PHF14: variants seen among roughly 807,000 people sequenced by gnomAD.
The protein encoded by PHF14 is PHD finger protein 14.
In PHF14, 55 loss-of-function variants were observed where a neutral mutation model predicts 117.9. That is an observed-to-expected ratio of 0.47 (90% CI 0.38 to 0.58). The LOEUF (loss-of-function observed/expected upper bound fraction) is 0.58, where lower values mean the gene tolerates loss of function less well. PHF14 is among the 20% of genes least tolerant of loss of function. PHF14 has a pLI of 0.00. For missense variants in PHF14, 978 were observed against 1,122.2 expected (o/e 0.87, Z 1.84); for synonymous variants, 409 against 368.6 (o/e 1.11, Z -1.26).
chr7:11,098,128 A>C (rs1313339358), intron 16 of PHF14, among the ~76,000 whole-genome samples: 3 of 152,156 alleles, frequency 2.0e-5, no homozygotes, highest in Non-Finnish European at 4.4e-5. Flanking sequence ...GTAATTTTAA[A>C]TCACCTATAA....
chr7:11,089,806 T>A (rs1786573400), intron 16 of PHF14, among the ~76,000 whole-genome samples: 1 of 149,088 alleles, frequency 6.7e-6, no homozygotes, highest in South Asian at 2.1e-4. Context: ...GTTTCACTCT[T>A]GTTGCCCAGG....
In PHF14 at chr7:10,985,636, C is replaced by CCGGTTTTTTT. The variant is rs750860479; in HGVS notation, c.900+2477_900+2478insCGGTTTTTTT. Among the ~76,000 whole-genome samples, 12 of 90,864 alleles carry CCGGTTTTTTT rather than the reference C, an allele frequency of 1.3e-4. No homozygotes were observed. In the East Asian group the frequency reaches 1.6e-3, roughly 12 times the overall value. The allele number at this position is 90,864 out of a possible 152,430, so 59.6% of individuals were successfully genotyped here. A position where few individuals can be genotyped will look rare whatever the true frequency, so the allele number is the denominator to read the frequency against. On this transcript the variant is annotated intron_variant, in intron 3 of 17. Coordinates refer to ENST00000634607, the MANE Select transcript of PHF14 (RefSeq NM_001007157.2). ...ATACTCTCTAGCAGTGATTCTCAAA[C>CCGGTTTTTTT]TGTTTTTTTTTTTTTTTTTTTTTTT...
chr7:11,014,653 C>T (rs188200404), intron 5 of PHF14, among the ~76,000 whole-genome samples: 8 of 152,208 alleles, frequency 5.3e-5, no homozygotes, highest in Admixed American at 6.5e-5. Flanking sequence ...CTCCGTTCTA[C>T]GAGACCTCCT....
chr7:11,092,565 G>C (rs1583458531), intron 16 of PHF14, among the ~76,000 whole-genome samples: 1 of 152,038 alleles, frequency 6.6e-6, no homozygotes, highest in African/African-American at 2.4e-5. Flanking sequence ...ATTCCAATCA[G>C]TAGGTGAACA....
chr7:11,100,573 A>G (rs1278260913), intron 16 of PHF14, among the ~76,000 whole-genome samples: 3 of 152,026 alleles, frequency 2.0e-5, no homozygotes, highest in Non-Finnish European at 4.4e-5. Context: ...ACCATAGTGT[A>G]TGATAAAATC....
chr7:11,101,550 G>T (rs1787093732), intron 16 of PHF14, among the ~76,000 whole-genome samples: 1 of 151,796 alleles, frequency 6.6e-6, no homozygotes, highest in African/African-American at 2.4e-5. Flanking sequence ...AATACAACAT[G>T]TCTTTGAAAA....
chr7:11,011,685 A>G (rs937582438), intron 4 of PHF14, among the ~76,000 whole-genome samples: 2 of 152,202 alleles, frequency 1.3e-5, no homozygotes, highest in African/African-American at 2.4e-5. Context: ...TTAAGTTGCA[A>G]TGTGTTCATT....
At chr7:10,979,180 T>C (rs1456854601) in intron 2 of PHF14, among the ~76,000 whole-genome samples, 5 of 152,188 alleles carry the variant, frequency 3.3e-5, no homozygotes, top group Non-Finnish European at 7.4e-5. Flanking sequence ...TTGATATTAA[T>C]TAAATTAATT....
rs546637730 is a variant in PHF14, at chr7:11,064,081, T to C, written c.2654+1996T>C. Among the ~76,000 whole-genome samples, 19 of 152,092 alleles carry C rather than the reference T, an allele frequency of 1.2e-4. No homozygotes were observed. In the South Asian group the frequency reaches 1.7e-3, roughly 13 times the overall value. On this transcript the variant is annotated intron_variant, in intron 16 of 17. Coordinates refer to ENST00000634607, the MANE Select transcript of PHF14 (RefSeq NM_001007157.2). The stretch of plus-strand genomic sequence containing the variant: ...GTTTTATTGGTACTATATTTTAATA[T>C]TTCTTAGGACAAGATAAGCTGGATA...
intron 2 of PHF14, among the ~76,000 whole-genome samples, chr7:10,975,853 C>A (rs1484473183): frequency 1.3e-5 from 2 of 152,184 alleles, no homozygotes; most frequent in African/African-American, 2.4e-5. Context: ...TCACATCTCT[C>A]CTTCTTCTGG....
intron 17 of PHF14, among the ~76,000 whole-genome samples, chr7:11,151,942 A>C (rs1343792815): frequency 6.6e-6 from 1 of 152,146 alleles, no homozygotes; most frequent in Non-Finnish European, 1.5e-5. Flanking sequence ...TTCCTCTTCT[A>C]TTTCTGTATC....
At chr7:11,030,775 A>C (rs887224856) in intron 7 of PHF14, among the ~76,000 whole-genome samples, 3 of 152,126 alleles carry the variant, frequency 2.0e-5, no homozygotes, top group African/African-American at 7.2e-5. Flanking sequence ...TTTTCTCCCT[A>C]TTCACTACCT....
At chr7:11,140,742 C>T (rs1230700659) in intron 17 of PHF14, among the ~76,000 whole-genome samples, 1 of 151,980 alleles carries the variant, frequency 6.6e-6, no homozygotes, top group Non-Finnish European at 1.5e-5. Context: ...ATTGAAATTT[C>T]TATACTATTT....
chr7:11,102,617 A>C, intron 16 of PHF14: 10 of 1,554,454 alleles, frequency 6.4e-6, no homozygotes, highest in Non-Finnish European at 8.7e-6. Flanking sequence ...GAGAACAGCT[A>C]TATTGTCCTT....
At chr7:11,136,178 T>C (rs547691682) in intron 17 of PHF14, among the ~76,000 whole-genome samples, 37 of 152,296 alleles carry the variant, frequency 2.4e-4, no homozygotes, top group Admixed American at 2.2e-3. Flanking sequence ...TGTAAGGCTG[T>C]AAGGTCAATG....
chr7:11,152,349 TG>T (rs1788725966), intron 17 of PHF14, among the ~76,000 whole-genome samples: 1 of 152,206 alleles, frequency 6.6e-6, no homozygotes, highest in African/African-American at 2.4e-5. Context: ...GGGCAGTTCC[TG>T]AGTGTCACCA....
rs759453561 is a variant in PHF14, at chr7:11,103,148, A to G, written c.2655-8202A>G. On this transcript the variant is annotated intron_variant, in intron 16 of 17. Transcript: ENST00000634607. Reference sequence around the variant, plus strand: ...CAAAAGTGAAAGACTTGTGAAGCATATGACATTCTATTTTTGACTTATTAG... The same window carrying G: ...CAAAAGTGAAAGACTTGTGAAGCATGTGACATTCTATTTTTGACTTATTAG... 5.7e-5 allele frequency: 56 copies of G among 978,610 alleles called. 1 individual carries two copies. Among genetic ancestry groups the G allele is most frequent in the Non-Finnish European group, 6.7e-5 (55 of 823,878 alleles). 60.6% of individuals were successfully genotyped at this position (978,610 alleles called of 1,614,324 possible). A position where few individuals can be genotyped will look rare whatever the true frequency, so the allele number is the denominator to read the frequency against.
chr7:11,149,806 G>C (rs1374793199), intron 17 of PHF14, among the ~76,000 whole-genome samples: 1 of 131,718 alleles, frequency 7.6e-6, no homozygotes, highest in East Asian at 4.0e-4. Context: ...TAGTGTTTCA[G>C]TTGATTTTTT....
At chr7:11,026,787 G>A (rs1647288037) in intron 6 of PHF14, among the ~76,000 whole-genome samples, 1 of 148,948 alleles carries the variant, frequency 6.7e-6, no homozygotes, top group Admixed American at 6.7e-5. Flanking sequence ...TTCACCTTGT[G>A]TAAAGTTCCA....
Sources: allele counts gnomAD v4.1 joint callset (sites outside exome capture counted in the v4.1 genomes callset), GRCh38; gene constraint gnomAD v4.1.1; transcripts MANE v1.5; gene names NCBI Gene and HGNC (gene_info 2026-07-23, HGNC 2026-07-21).